The following NKAIN3 variants were observed in gnomAD, a reference collection of about 807,000 sequenced individuals.
NKAIN3 encodes the protein sodium/potassium transporting ATPase interacting 3.
In NKAIN3, 25 loss-of-function variants were observed where a neutral mutation model predicts 30.2. The observed-to-expected ratio is 0.83, with a 90% CI of 0.60 to 1.16. The LOEUF (loss-of-function observed/expected upper bound fraction) is 1.16. Ranked by LOEUF, NKAIN3 falls within the 50% of genes most tolerant of loss-of-function variation. The pLI, the probability that NKAIN3 is intolerant of heterozygous loss-of-function variation, is 0.00. For synonymous variants in NKAIN3, 91 were observed against 89.6 expected (o/e 1.02, Z -0.09); for missense variants, 225 against 254.1 (o/e 0.89, Z 0.78).
chr8:62,580,766 T>C (rs1347423420), intron 2 of NKAIN3, among the ~76,000 whole-genome samples: 2 of 152,050 alleles, frequency 1.3e-5, no homozygotes, highest in African/African-American at 4.8e-5. Context: ...CTGCCAGGGT[T>C]AAACAATTTC....
At chr8:62,422,153 A>G (rs966813773) in intron 1 of NKAIN3, among the ~76,000 whole-genome samples, 2 of 152,124 alleles carry the variant, frequency 1.3e-5, no homozygotes. Context: ...TTTTATGACA[A>G]TTAGTAAAGT....
intron 2 of NKAIN3, 148 bp from the exon 3 acceptor site, chr8:62,589,566 C>A: frequency 2.2e-6 from 1 of 449,644 alleles, no homozygotes. Flanking sequence ...GCTTAGGGGA[C>A]CACATAGAGA....
chr8:62,783,277 A>G (rs553604892), intron 4 of NKAIN3, among the ~76,000 whole-genome samples: 122 of 152,214 alleles, frequency 8.0e-4, no homozygotes, highest in African/African-American at 2.9e-3. Context: ...ATGCCCTTAT[A>G]AAAGAGCCCC....
chr8:62,830,720 A>G (rs2130744533), intron 4 of NKAIN3, among the ~76,000 whole-genome samples: 1 of 152,244 alleles, frequency 6.6e-6, no homozygotes, highest in African/African-American at 2.4e-5. Context: ...ACTGTGGTGC[A>G]ACAGGGTCCT....
At chr8:62,655,040 AG>A (rs1812725450) in intron 3 of NKAIN3, among the ~76,000 whole-genome samples, 1 of 152,230 alleles carries the variant, frequency 6.6e-6, no homozygotes, top group Admixed American at 6.5e-5. Context: ...TGTGACAAAA[AG>A]AAACTTATAA....
intron 1 of NKAIN3, among the ~76,000 whole-genome samples, chr8:62,271,471 A>G (rs1015287910): frequency 1.8e-4 from 28 of 152,188 alleles, no homozygotes; most frequent in Admixed American, 1.8e-3. Flanking sequence ...AAATGGTAGT[A>G]TCAGGAAGTT....
chr8:62,699,821 A>G (rs1186872640), intron 3 of NKAIN3, among the ~76,000 whole-genome samples: 29 of 152,230 alleles, frequency 1.9e-4, no homozygotes, highest in Non-Finnish European at 8.8e-5. Context: ...TAAGTAACCA[A>G]TGAATTATTA....
Position 62,630,794 on chromosome 8 carries a change from C to T in NKAIN3, c.273+41000C>T, listed in dbSNP as rs577240095. Among the ~76,000 whole-genome samples the T allele has an allele frequency of 2.0e-5, 3 of 152,236 alleles. No homozygotes were observed. The South Asian group carries it at 6.2e-4, about 32-fold the overall frequency. On this transcript the variant is annotated intron_variant, in intron 3 of 6. Transcript: ENST00000623646. ...CCTCTGTCTGACTCAGAGAAATCTG[C>T]CTCCACCCAAAACCTTCAACTCCTT...
At chr8:62,640,827 T>C (rs1812284967) in intron 3 of NKAIN3, among the ~76,000 whole-genome samples, 1 of 152,066 alleles carries the variant, frequency 6.6e-6, no homozygotes, top group African/African-American at 2.4e-5. Context: ...GTCTAGGACC[T>C]GAAGAAGCAC....
chr8:62,850,160 G>A (rs1819845035), intron 4 of NKAIN3, among the ~76,000 whole-genome samples: 1 of 152,080 alleles, frequency 6.6e-6, no homozygotes, highest in Non-Finnish European at 1.5e-5. Context: ...ACTGGTGTGA[G>A]ATGCTATCTC....
intron 1 of NKAIN3, among the ~76,000 whole-genome samples, chr8:62,420,061 G>A (rs1427855307): frequency 6.6e-6 from 1 of 152,076 alleles, no homozygotes; most frequent in Non-Finnish European, 1.5e-5. Flanking sequence ...TTTTAGGAGG[G>A]GAGCTGTCAT....
At chr8:62,479,866 G>A (rs558495594) in intron 1 of NKAIN3, among the ~76,000 whole-genome samples, 46 of 152,186 alleles carry the variant, frequency 3.0e-4, no homozygotes, top group African/African-American at 1.0e-3. Flanking sequence ...TCTGCTCCCC[G>A]CCTTTCCCAG....
At chr8:62,416,123 C>G (rs1804437538) in intron 1 of NKAIN3, among the ~76,000 whole-genome samples, 2 of 152,112 alleles carry the variant, frequency 1.3e-5, no homozygotes, top group South Asian at 4.1e-4. Context: ...ACTGCCGTGT[C>G]TAAGGTCTTG....
At chr8:62,690,408 C>T (rs1813929140) in intron 3 of NKAIN3, among the ~76,000 whole-genome samples, 1 of 152,206 alleles carries the variant, frequency 6.6e-6, no homozygotes, top group Non-Finnish European at 1.5e-5. Context: ...TATCACCCTC[C>T]CTCTGTGAAT....
intron 3 of NKAIN3, among the ~76,000 whole-genome samples, chr8:62,684,267 A>G (rs1813730243): frequency 6.6e-6 from 1 of 152,200 alleles, no homozygotes; most frequent in Non-Finnish European, 1.5e-5. Context: ...TTCTGGTGTC[A>G]ATGCAGATGT....
intron 1 of NKAIN3, among the ~76,000 whole-genome samples, chr8:62,409,602 C>A (rs529809967): frequency 6.6e-6 from 1 of 152,080 alleles, no homozygotes; most frequent in East Asian, 1.9e-4. Flanking sequence ...TTTTTCCATT[C>A]CCCAAGATGT....
intron 1 of NKAIN3, among the ~76,000 whole-genome samples, chr8:62,542,806 G>T (rs1808886662): frequency 6.6e-6 from 1 of 152,170 alleles, no homozygotes; most frequent in Non-Finnish European, 1.5e-5. Flanking sequence ...ATATGTCATT[G>T]CATGATTGCC....
At chr8:62,550,670 A>G (rs79863846) in intron 1 of NKAIN3, among the ~76,000 whole-genome samples, 2 of 152,326 alleles carry the variant, frequency 1.3e-5, no homozygotes, top group African/African-American at 4.8e-5. Flanking sequence ...TTTGCATGCA[A>G]ATAAAAAGCC....
At chr8:62,705,660 TTACTC>T (rs1814494923) in intron 3 of NKAIN3, among the ~76,000 whole-genome samples, 1 of 152,188 alleles carries the variant, frequency 6.6e-6, no homozygotes, top group African/African-American at 2.4e-5. Context: ...GTTAATTTTT[TTACTC>T]TACTTTCAGA....
Sources: gnomAD v4.1 joint callset for allele counts (sites outside exome capture counted in the v4.1 genomes callset) on GRCh38, gnomAD v4.1.1 for gene constraint, MANE v1.5 for transcripts, NCBI Gene and HGNC (gene_info 2026-07-23, HGNC 2026-07-21) for gene names.